The following DSCAML1 variants were observed in gnomAD, a reference collection of about 807,000 sequenced individuals.
DSCAML1 encodes DS cell adhesion molecule like 1.
In DSCAML1, 38 loss-of-function variants were observed where a neutral mutation model predicts 200.5. That is an observed-to-expected ratio of 0.19 (90% CI 0.15 to 0.25). DSCAML1 has a LOEUF of 0.25. DSCAML1 is among the 10% of genes least tolerant of loss of function. The pLI, the probability that DSCAML1 is intolerant of heterozygous loss-of-function variation, is 1.00. For synonymous variants in DSCAML1, 1,215 were observed against 1,165.0 expected (o/e 1.04, Z -0.87); for missense variants, 2,223 against 2,858.8 (o/e 0.78, Z 5.07).
At chr11:117,534,015 G>A (rs2050125458) in intron 3 of DSCAML1, among the ~76,000 whole-genome samples, 1 of 152,196 alleles carries the variant, frequency 6.6e-6, no homozygotes, top group Non-Finnish European at 1.5e-5. Context: ...CAGGGGAGAG[G>A]GTCATGCTGA....
At chr11:117,561,277 T>A (rs984620082) in intron 3 of DSCAML1, among the ~76,000 whole-genome samples, 1 of 152,188 alleles carries the variant, frequency 6.6e-6, no homozygotes, top group Non-Finnish European at 1.5e-5. Context: ...CACTGGACAA[T>A]GAGTCTGGAG....
intron 3 of DSCAML1, among the ~76,000 whole-genome samples, chr11:117,545,179 G>C (rs908854697): frequency 1.3e-5 from 2 of 151,496 alleles, no homozygotes; most frequent in African/African-American, 4.9e-5. Context: ...GTGGTGAGCT[G>C]AGATCGTGCC....
intron 3 of DSCAML1, among the ~76,000 whole-genome samples, chr11:117,554,256 C>T (rs1054745470): frequency 1.3e-5 from 2 of 152,142 alleles, no homozygotes; most frequent in Non-Finnish European, 1.5e-5. Context: ...ATACTTCATG[C>T]CACTGAACTG....
intron 3 of DSCAML1, among the ~76,000 whole-genome samples, chr11:117,685,257 C>T (rs1346615801): frequency 1.3e-5 from 2 of 152,230 alleles, no homozygotes; most frequent in Admixed American, 6.5e-5. Context: ...AGATGAAGCT[C>T]AGACAGGCTG....
At chr11:117,727,824 C>T (rs1347370579) in intron 3 of DSCAML1, among the ~76,000 whole-genome samples, 6 of 152,166 alleles carry the variant, frequency 3.9e-5, no homozygotes, top group Non-Finnish European at 2.9e-5. Flanking sequence ...GAGCTTACTA[C>T]CCATGATGAT....
intron 3 of DSCAML1, among the ~76,000 whole-genome samples, chr11:117,533,169 T>A (rs943287279): frequency 1.3e-5 from 2 of 151,936 alleles, no homozygotes; most frequent in African/African-American, 4.8e-5. Context: ...AATAATAAGG[T>A]GTCTGGTGCA....
intron 20 of DSCAML1, among the ~76,000 whole-genome samples, chr11:117,447,465 A>G (rs1196520914): frequency 6.6e-6 from 1 of 151,110 alleles, no homozygotes; most frequent in South Asian, 2.1e-4. Context: ...ACTATATACC[A>G]GTGTTTATCT....
At chr11:117,647,482 G>T (rs141654343) in intron 3 of DSCAML1, among the ~76,000 whole-genome samples, 150 of 152,318 alleles carry the variant, frequency 9.8e-4, no homozygotes, top group African/African-American at 3.5e-3. Context: ...TCAGAGGGCA[G>T]CCAAGGCTCC....
At chr11:117,672,432 G>T (rs200428377) in intron 3 of DSCAML1, among the ~76,000 whole-genome samples, 1 of 141,416 alleles carries the variant, frequency 7.1e-6, no homozygotes, top group Admixed American at 6.9e-5. Flanking sequence ...TATTAGCAAA[G>T]ATTCACAAAA....
intron 3 of DSCAML1, among the ~76,000 whole-genome samples, chr11:117,734,936 T>C (rs1269602148): frequency 6.6e-6 from 1 of 152,078 alleles, no homozygotes. Flanking sequence ...TGGCTGCTGG[T>C]TGGGCCTGTG....
At chr11:117,792,799 G>C (rs2055495908) in intron 1 of DSCAML1, among the ~76,000 whole-genome samples, 1 of 152,136 alleles carries the variant, frequency 6.6e-6, no homozygotes, top group East Asian at 1.9e-4. Flanking sequence ...TGCACCATGA[G>C]AGGAGCAACC....
In DSCAML1 at chr11:117,498,046, T is replaced by G. The variant is rs1044478010; in HGVS notation, c.2359+5799A>C. On this transcript the variant is annotated intron_variant, in intron 11 of 32. Coordinates refer to ENST00000651296, the MANE Select transcript of DSCAML1 (RefSeq NM_020693.4). This position sits in a 1 kb window ranked among gnomAD's most constrained non-coding sequence, Gnocchi z 4.0. Reference sequence around the variant, plus strand: ...TGTGGACTAGAGGTCCGTCAGCCAGTCCAGATTCCAGAGTGGGCAAAGGCC... The same window carrying G: ...TGTGGACTAGAGGTCCGTCAGCCAGGCCAGATTCCAGAGTGGGCAAAGGCC... 6.6e-6 allele frequency among the ~76,000 whole-genome samples: 1 copy of G among 152,156 alleles called. No individual in the cohort carries two copies. Among genetic ancestry groups the G allele is most frequent in the Non-Finnish European group, 1.5e-5 (1 of 68,030 alleles).
intron 11 of DSCAML1, among the ~76,000 whole-genome samples, chr11:117,500,123 C>T (rs537666855): frequency 1.3e-4 from 20 of 152,364 alleles, no homozygotes; most frequent in Non-Finnish European, 2.6e-4. Context: ...CCTGGAAGGG[C>T]GTGAACTTCA....
intron 3 of DSCAML1, among the ~76,000 whole-genome samples, chr11:117,583,588 G>T (rs552186639): frequency 6.6e-6 from 1 of 152,270 alleles, no homozygotes; most frequent in East Asian, 1.9e-4. Flanking sequence ...CCTCCGTTCT[G>T]CATTGCTAGC....
Position 117,559,357 on chromosome 11 carries a change from G to A in DSCAML1, c.512-26835C>T, listed in dbSNP as rs540545308. Among the ~76,000 whole-genome samples the A allele has an allele frequency of 1.2e-4, 18 of 152,218 alleles. 2 individuals carry two copies. Among genetic ancestry groups the A allele is most frequent in the African/African-American group, 4.3e-4 (18 of 41,530 alleles). On this transcript the variant is annotated intron_variant, in intron 3 of 32. Coordinates refer to ENST00000651296, the MANE Select transcript of DSCAML1 (RefSeq NM_020693.4). ...TCACATTCCTTGTCACTGACCCCGAGTTTTTAGACAAAGCCTCACTTTCGT... is the reference window on the plus strand; with the variant it reads ...TCACATTCCTTGTCACTGACCCCGAATTTTTAGACAAAGCCTCACTTTCGT...
At chr11:117,563,709 C>T (rs1477407267) in intron 3 of DSCAML1, among the ~76,000 whole-genome samples, 4 of 152,112 alleles carry the variant, frequency 2.6e-5, no homozygotes, top group African/African-American at 9.7e-5. Context: ...TTATAATGGA[C>T]CTCAAAGCGG....
chr11:117,517,776 G>C (rs758942379), intron 7 of DSCAML1, among the ~76,000 whole-genome samples: 1 of 152,208 alleles, frequency 6.6e-6, no homozygotes, highest in Non-Finnish European at 1.5e-5. Context: ...ACCCCATCGG[G>C]CTACAAAGAG....
At chr11:117,548,508 C>G (rs1388737795) in intron 3 of DSCAML1, among the ~76,000 whole-genome samples, 1 of 152,190 alleles carries the variant, frequency 6.6e-6, no homozygotes, top group Non-Finnish European at 1.5e-5. Flanking sequence ...CCTTTCCAGA[C>G]AGTTCACGGC....
intron 3 of DSCAML1, among the ~76,000 whole-genome samples, chr11:117,680,154 G>T (rs558298768): frequency 3.3e-5 from 5 of 152,296 alleles, no homozygotes; most frequent in South Asian, 2.1e-4. Context: ...TGCCATCCAG[G>T]TTCCTTTCTC....
Sources: gnomAD v4.1 joint callset for allele counts (sites outside exome capture counted in the v4.1 genomes callset) on GRCh38, gnomAD v4.1.1 for gene constraint, Gnocchi (gnomAD v3.1) non-coding constraint, MANE v1.5 for transcripts, NCBI Gene and HGNC (gene_info 2026-07-23, HGNC 2026-07-21) for gene names.